Variants in CEACAM4 observed in about 807,000 individuals in gnomAD.
The protein encoded by CEACAM4 is cell adhesion molecule CEACAM4.
CEACAM4 carries 30 observed loss-of-function variants against 28.7 expected under a neutral mutation model. The ratio of observed to expected loss-of-function variants is 1.05; its 90% confidence interval spans 0.78 to 1.42. The LOEUF is 1.42. Ranked by LOEUF, CEACAM4 falls within the 40% of genes most tolerant of loss-of-function variation. CEACAM4 has a pLI of 0.00. For missense variants in CEACAM4, 330 were observed against 308.2 expected, an observed-to-expected ratio of 1.07 and a Z score of -0.53; for synonymous variants, 143 against 126.5, an observed-to-expected ratio of 1.13 and a Z score of -0.87.
At chr19:41,620,535 G>A (rs782352362) in intron 4 of CEACAM4, 40 bp downstream of exon 4, 1 of 1,579,910 alleles carries the variant, frequency 6.3e-7, no homozygotes, top group African/African-American at 1.4e-5. Flanking sequence ...CCGTAGGGCA[G>A]GCCTAGGGGC....
intron 3 of CEACAM4, 31 bp downstream of exon 3, chr19:41,621,620 G>A (rs782574576): frequency 2.3e-6 from 3 of 1,281,922 alleles, no homozygotes; most frequent in Admixed American, 1.7e-5. Flanking sequence ...CAGCCTAGGG[G>A]TGGGAGGAGG....
At chr19:41,620,183 A>T in intron 5 of CEACAM4, 28 bp downstream of exon 5, 1 of 1,492,238 alleles carries the variant, frequency 6.7e-7, no homozygotes, top group Non-Finnish European at 8.9e-7. Context: ...ACCCCAGTAG[A>T]AAAGGGCTGG....
At chr19:41,621,404 G>A (rs1456241870) in intron 3 of CEACAM4, among the ~76,000 whole-genome samples, 1 of 150,828 alleles carries the variant, frequency 6.6e-6, no homozygotes, top group Non-Finnish European at 1.5e-5. Flanking sequence ...CTCCCTCCAG[G>A]CAGCTGTGGC....
chr19:41,617,430 G>C (rs1299299407), downstream of CEACAM4, among the ~76,000 whole-genome samples: 1 of 152,172 alleles, frequency 6.6e-6, no homozygotes. Context: ...TGAGAGGAGT[G>C]ATGGACAGAA....
At chr19:41,620,794 C>T (rs574722136) in intron 3 of CEACAM4, among the ~76,000 whole-genome samples, 167 bp from the exon 4 acceptor site, 1 of 152,208 alleles carries the variant, frequency 6.6e-6, no homozygotes, top group African/African-American at 2.4e-5. Flanking sequence ...GAGGATAGGC[C>T]TTAAGCAGTC....
At chr19:41,618,259 G>C (rs76157674), downstream of CEACAM4, among the ~76,000 whole-genome samples, 3,223 of 152,260 alleles carry the variant, frequency 0.021, 129 homozygotes, top group African/African-American at 0.072. Flanking sequence ...CTTTAGATGG[G>C]GGAGTCCTGC....
At chr19:41,626,858 G>T in intron 1 of CEACAM4, 42 bp downstream of exon 1, 1 of 1,575,538 alleles carries the variant, frequency 6.3e-7, no homozygotes, top group Non-Finnish European at 8.7e-7. Context: ...GTCAGTCTCT[G>T]TGCTCCCTCT....
At chr19:41,614,316 G>A (rs1555798576), downstream of CEACAM4, among the ~76,000 whole-genome samples, 1 of 152,182 alleles carries the variant, frequency 6.6e-6, no homozygotes, top group African/African-American at 2.4e-5. Context: ...GCTGGTCTCT[G>A]GCTTTAGCAG....
downstream of CEACAM4, among the ~76,000 whole-genome samples, chr19:41,617,651 C>T (rs1332647323): frequency 6.6e-6 from 1 of 152,038 alleles, no homozygotes; most frequent in African/African-American, 2.4e-5. Flanking sequence ...GGAAGCAGGG[C>T]ACAGAATAGT....
downstream of CEACAM4, among the ~76,000 whole-genome samples, chr19:41,615,455 TGGGTGAGGATGTCA>T (rs1315179142): frequency 3.3e-5 from 5 of 151,848 alleles, no homozygotes; most frequent in African/African-American, 1.2e-4. Context: ...ACACGTGCCT[TGGGTGAGGATGTCA>T]GGGTGAGAGT....
chr19:41,625,663 G>A lies in CEACAM4; in HGVS notation c.362C>T (p.Thr121Ile). 2 of 1,611,528 alleles carry A rather than the reference G, an allele frequency of 1.2e-6. No homozygotes were observed. The highest frequency in any genetic ancestry group is 1.7e-6 in the Non-Finnish European group (2 of 1,178,456). Residue 121 changes from threonine to isoleucine, a missense_variant, in exon 2 of 7, where the codon ACC (threonine) becomes ATC (isoleucine). Physicochemically the swap from Thr to Ile is moderately conservative, Grantham distance 89. Coordinates refer to ENST00000221954, the MANE Select transcript of CEACAM4 (RefSeq NM_001817.4). ...NITLEDAGSYTLRTINASYDS... is the reference protein window; with the variant it reads ...NITLEDAGSYILRTINASYDS... ...GTAACTGGCATTTATGGTTCGTAGG[G>A]TGTAGGATCCTGCGTCCTCCAGGGT...
At chr19:41,617,572 C>G (rs1307744048), downstream of CEACAM4, among the ~76,000 whole-genome samples, 1 of 152,110 alleles carries the variant, frequency 6.6e-6, no homozygotes, top group Non-Finnish European at 1.5e-5. Flanking sequence ...CAGGTGCGTC[C>G]AAAATAACCA....
At position 41,619,655 on chromosome 19, in the gene CEACAM4, A is replaced by G. The variant is rs1261391352; in HGVS notation, c.669+15T>C. 3.8e-6 allele frequency: 6 copies of G among 1,592,044 alleles called. No homozygotes were observed. The highest frequency in any genetic ancestry group is 1.1e-5 in the South Asian group (1 of 87,520). On this transcript the variant is annotated intron_variant, in intron 6 of 6. Transcript: ENST00000221954. ...TGGAGCCTGCGGGACCAGAACATCC[A>G]TGGCCCACACTCACCTCATAGATGG...
At chr19:41,621,280 A>G (rs575155458) in intron 3 of CEACAM4, among the ~76,000 whole-genome samples, 4 of 152,172 alleles carry the variant, frequency 2.6e-5, no homozygotes, top group South Asian at 2.1e-4. Flanking sequence ...GACCCCCACC[A>G]TGGATCTCAA....
downstream of CEACAM4, among the ~76,000 whole-genome samples, chr19:41,618,751 CTGGGGCTGTGCA>C (rs2071065922): frequency 6.6e-6 from 1 of 152,178 alleles, no homozygotes; most frequent in African/African-American, 2.4e-5. Context: ...GGGACCCAGG[CTGGGGCTGTGCA>C]TGGCCTTGGT....
At chr19:41,621,094 T>G (rs570334348) in intron 3 of CEACAM4, among the ~76,000 whole-genome samples, 4 of 152,118 alleles carry the variant, frequency 2.6e-5, no homozygotes, top group South Asian at 4.2e-4. Flanking sequence ...GATGCTGAAA[T>G]GGGGCAATGG....
chr19:41,625,016 C>T (rs1555803216), intron 2 of CEACAM4, among the ~76,000 whole-genome samples: 1 of 152,198 alleles, frequency 6.6e-6, no homozygotes, highest in Admixed American at 6.5e-5. Context: ...GGGGCCAATG[C>T]CCTAGTAATC....
intron 6 of CEACAM4, 77 bp from the exon 7 acceptor site, chr19:41,619,472 C>T (rs1334190837): frequency 1.9e-6 from 3 of 1,588,878 alleles, no homozygotes; most frequent in Middle Eastern, 1.7e-4. Flanking sequence ...GCTCTGGGCC[C>T]ACCCAGGGCT....
intron 5 of CEACAM4, 65 bp downstream of exon 5, chr19:41,620,146 C>T (rs781950438): frequency 4.3e-6 from 6 of 1,385,724 alleles, no homozygotes; most frequent in African/African-American, 3.0e-5. Context: ...GTTGATGGTC[C>T]CCCTGCCCTG....
Sources: allele counts gnomAD v4.1 joint callset (sites outside exome capture counted in the v4.1 genomes callset), GRCh38; gene constraint gnomAD v4.1.1; transcripts MANE v1.5; gene names NCBI Gene and HGNC (gene_info 2026-07-23, HGNC 2026-07-21).